The following NRG2 variants were observed in gnomAD, a reference collection of about 807,000 sequenced individuals.
NRG2 encodes the protein pro-neuregulin-2, membrane-bound isoform.
A neutral mutation model predicts 73.9 loss-of-function variants in NRG2; 27 were observed. The observed-to-expected ratio is 0.37, with a 90% CI of 0.27 to 0.50. The LOEUF is 0.50. Among genes scored for constraint, NRG2 ranks in the 20% least tolerant of loss-of-function variants. NRG2 has a pLI of 0.96. For synonymous variants in NRG2, 532 were observed against 541.0 expected (o/e 0.98, Z 0.23); for missense variants, 1,126 against 1,210.1 (o/e 0.93, Z 1.03).
intron 1 of NRG2, among the ~76,000 whole-genome samples, chr5:140,040,760 C>T (rs563083657): frequency 3.9e-5 from 6 of 152,116 alleles, no homozygotes; most frequent in Admixed American, 1.3e-4. Flanking sequence ...TTTTAATACT[C>T]CCCAAGTATC....
At position 139,887,686 on chromosome 5, in the gene NRG2, G is replaced by T. The variant is rs916171519; in HGVS notation, c.701-175C>A. ...GTTCAATTCAATAAGCATTTATAAT[G>T]AGTCTGTGATGACATCAATGTAGTT... On this transcript the variant is annotated intron_variant, in intron 1 of 9. Coordinates refer to ENST00000361474, the MANE Select transcript of NRG2 (RefSeq NM_004883.3). The surrounding 1 kb of genome is among the most constrained non-coding windows in gnomAD (Gnocchi z 4.5). Among the ~76,000 whole-genome samples, 7 of 152,154 alleles carry T rather than the reference G, an allele frequency of 4.6e-5. No individual in the cohort carries two copies. The highest frequency in any genetic ancestry group is 1.7e-4 in the African/African-American group (7 of 41,416).
chr5:140,005,915 G>A (rs891038610), intron 1 of NRG2, among the ~76,000 whole-genome samples: 8 of 152,170 alleles, frequency 5.3e-5, no homozygotes, highest in Admixed American at 3.9e-4. Flanking sequence ...TCCACCTCAC[G>A]TGTGATCCTC....
rs1416428770 is a variant in NRG2, at chr5:139,871,826, G to A, written c.1007C>T (p.Ser336Leu). ...LYVNSVSTTL[S>L]SWSGHARKCN... ...CTTCCGGGCGTGCCCCGACCAGGAT[G>A]ACAGGGTGGTGCTCACTGAGGGTAT... The change falls in exon 4 of 10, where the codon TCA (serine) becomes TTA (leucine). Residue 336 changes from serine (S) to leucine (L), a missense_variant. Ser to Leu is a moderately radical substitution (Grantham distance 145). Transcript: ENST00000361474. 3.7e-6 allele frequency: 6 copies of A among 1,613,960 alleles called. No homozygotes were observed. The highest frequency in any genetic ancestry group is 4.2e-6 in the Non-Finnish European group (5 of 1,179,968).
At chr5:139,966,497 G>A (rs1237063715) in intron 1 of NRG2, among the ~76,000 whole-genome samples, 1 of 152,146 alleles carries the variant, frequency 6.6e-6, no homozygotes. Context: ...CCTACTCTTG[G>A]GAGCTGGGAA....
rs752263293 is a variant in NRG2, at chr5:140,043,130, G to C, written c.-61C>G. ...CGCCGCCGCCTTGGGAGGGGAAACA[G>C]AGCCCGCTGGAAAACCGGAAACAGC... On this transcript the variant is annotated 5_prime_UTR_variant, in exon 1 of 10. Coordinates refer to ENST00000361474, the MANE Select transcript of NRG2 (RefSeq NM_004883.3). This position sits in a 1 kb window ranked among gnomAD's most constrained non-coding sequence, Gnocchi z 6.7. 5.8e-6 allele frequency: 9 copies of C among 1,544,580 alleles called. No homozygotes were observed. The East Asian group carries it at 2.1e-4, about 36-fold the overall frequency.
chr5:140,041,138 C>G (rs941333920), intron 1 of NRG2, among the ~76,000 whole-genome samples: 2 of 152,172 alleles, frequency 1.3e-5, no homozygotes, highest in African/African-American at 4.8e-5. Context: ...TTTTGCTACT[C>G]AAACAAAGCC....
At chr5:139,995,624 T>G (rs956052943) in intron 1 of NRG2, among the ~76,000 whole-genome samples, 11 of 151,864 alleles carry the variant, frequency 7.2e-5, no homozygotes, top group Admixed American at 5.2e-4. Context: ...AGGACCAGAG[T>G]GAGCTGTGGG....
At chr5:140,027,612 G>T (rs553749626) in intron 1 of NRG2, among the ~76,000 whole-genome samples, 26 of 152,248 alleles carry the variant, frequency 1.7e-4, no homozygotes, top group Middle Eastern at 6.8e-3. Context: ...TGTTATAATT[G>T]TTCTGTTATT....
chr5:139,950,915 A>G (rs1370330608), intron 1 of NRG2, among the ~76,000 whole-genome samples: 1 of 152,216 alleles, frequency 6.6e-6, no homozygotes, highest in Non-Finnish European at 1.5e-5. Flanking sequence ...CGTGACTACT[A>G]GCCCAGTCAG....
At chr5:139,912,144 T>G (rs1750873384) in intron 1 of NRG2, among the ~76,000 whole-genome samples, 1 of 152,186 alleles carries the variant, frequency 6.6e-6, no homozygotes. Context: ...GGGGTCAGCA[T>G]CCATTCTTAT....
At chr5:139,949,321 A>G (rs192716977) in intron 1 of NRG2, among the ~76,000 whole-genome samples, 1 of 152,364 alleles carries the variant, frequency 6.6e-6, no homozygotes, top group East Asian at 1.9e-4. Flanking sequence ...TTTAGGGTTA[A>G]GGATTCAGAG....
At chr5:139,880,506 C>T (rs980621600) in intron 3 of NRG2, among the ~76,000 whole-genome samples, 3 of 152,162 alleles carry the variant, frequency 2.0e-5, no homozygotes, top group African/African-American at 7.2e-5. Context: ...CTTGTACATG[C>T]CCCAGGCCTG....
chr5:139,847,888 G>A lies in NRG2; in HGVS notation c.*29C>T. The A allele has an allele frequency of 7.3e-7, 1 of 1,375,812 alleles. No homozygotes were observed. Among genetic ancestry groups the A allele is most frequent in the Non-Finnish European group, 9.4e-7 (1 of 1,066,932 alleles). The allele number at this position is 1,375,812 out of a possible 1,614,324, so 85.2% of individuals were successfully genotyped here. The stretch of plus-strand genomic sequence containing the variant: ...TGGTCTCCTTAAAGATAGTGGGGCG[G>A]GCGGGGCGGAGGGGCGCGCGGCGGG... On this transcript the variant is annotated 3_prime_UTR_variant, in exon 10 of 10. Transcript: ENST00000361474.
In NRG2 at chr5:139,887,130, G is replaced by A. The variant is rs1165889375; in HGVS notation, c.872+210C>T. Among the ~76,000 whole-genome samples, 1 of 152,226 alleles carries A rather than the reference G, an allele frequency of 6.6e-6. No homozygotes were observed. Among genetic ancestry groups the A allele is most frequent in the Non-Finnish European group, 1.5e-5 (1 of 68,040 alleles). ...AAGGCTTAATTCTTGTCTGTGGTCT[G>A]CAAGACCCTGGGCCACCATGACCAG... On this transcript the variant is annotated intron_variant, in intron 2 of 9. Transcript: ENST00000361474. The surrounding 1 kb of genome is among the most constrained non-coding windows in gnomAD (Gnocchi z 4.5).
At chr5:140,001,772 A>G (rs1256223037) in intron 1 of NRG2, among the ~76,000 whole-genome samples, 1 of 152,072 alleles carries the variant, frequency 6.6e-6, no homozygotes, top group Non-Finnish European at 1.5e-5. Flanking sequence ...CTGAGGCTGT[A>G]GGATCGTGTA....
chr5:140,016,981 AG>A (rs1188466795), intron 1 of NRG2, among the ~76,000 whole-genome samples: 3 of 152,216 alleles, frequency 2.0e-5, no homozygotes, highest in Non-Finnish European at 4.4e-5. Flanking sequence ...ATTGGAGCAG[AG>A]TAGGAGTGGC....
intron 1 of NRG2, among the ~76,000 whole-genome samples, chr5:139,920,143 G>A (rs79614943): frequency 0.026 from 3,958 of 152,316 alleles, 66 homozygotes; most frequent in Middle Eastern, 0.058. Flanking sequence ...GAGTAAACCA[G>A]CTTAGTTTGG....
chr5:139,914,682 C>A (rs1296187433), intron 1 of NRG2, among the ~76,000 whole-genome samples: 1 of 152,194 alleles, frequency 6.6e-6, no homozygotes, highest in Non-Finnish European at 1.5e-5. Flanking sequence ...TTATTTTTGC[C>A]CAGAGGTATG....
At chr5:139,944,419 T>C (rs547392922) in intron 1 of NRG2, among the ~76,000 whole-genome samples, 84 of 152,322 alleles carry the variant, frequency 5.5e-4, no homozygotes, top group Non-Finnish European at 1.1e-3. Context: ...CCCTATACTC[T>C]TCCCAGCCTC....
Sources: allele counts gnomAD v4.1 joint callset (sites outside exome capture counted in the v4.1 genomes callset), GRCh38; gene constraint gnomAD v4.1.1; non-coding constraint Gnocchi (gnomAD v3.1); transcripts MANE v1.5; gene names NCBI Gene and HGNC (gene_info 2026-07-23, HGNC 2026-07-21).